FDFT1: variants seen among roughly 807,000 people sequenced by gnomAD.
FDFT1 encodes the protein farnesyl-diphosphate farnesyltransferase 1.
In FDFT1, 68 loss-of-function variants were observed where a neutral mutation model predicts 46.8. The ratio of observed to expected loss-of-function variants is 1.45; its 90% CI spans 1.19 to 1.78. The LOEUF is 1.78. Ranked by LOEUF, FDFT1 falls within the 40% of genes most tolerant of loss-of-function variation. FDFT1 has a pLI of 0.00. For missense variants in FDFT1, 928 were observed against 524.4 expected (o/e 1.77, Z -7.52); for synonymous variants, 351 against 185.1 (o/e 1.90, Z -7.28).
rs1453348975 is a variant in FDFT1 at position 11,808,363 on chromosome 8, G to GC, written c.100-429dup. ...AGGAGGCGCCGGTGCGGAGCGGGAGGCCGGGGGCGGGGCTGCGGGGCTGCG... is the reference window on the plus strand; with the variant it reads ...AGGAGGCGCCGGTGCGGAGCGGGAGGCCCGGGGGCGGGGCTGCGGGGCTGCG... On this transcript the variant is annotated intron_variant, in intron 1 of 7. Transcript: ENST00000220584. 4.9e-6 allele frequency: 6 copies of GC among 1,234,678 alleles called. No homozygotes were observed. The African/African-American group carries it at 9.4e-5, about 19-fold the overall frequency. 76.5% of individuals were successfully genotyped at this position (1,234,678 alleles called of 1,614,324 possible). A position where few individuals can be genotyped will look rare whatever the true frequency, so the allele number is the denominator to read the frequency against.
intron 1 of FDFT1, 146 bp from the exon 2 acceptor site, chr8:11,808,648 C>T: frequency 4.3e-6 from 6 of 1,408,720 alleles, no homozygotes; most frequent in Non-Finnish European, 5.5e-6. Context: ...CCTCCTGCCG[C>T]CTGGCCCTGC....
chr8:11,835,806 C>T (rs1811455920), intron 7 of FDFT1, among the ~76,000 whole-genome samples: 2 of 151,874 alleles, frequency 1.3e-5, no homozygotes, highest in Admixed American at 1.3e-4. Context: ...ATTGCTTGTA[C>T]AGTTGCTCTG....
At chr8:11,819,598 C>A (rs919337091) in intron 3 of FDFT1, among the ~76,000 whole-genome samples, 2 of 151,958 alleles carry the variant, frequency 1.3e-5, no homozygotes, top group East Asian at 3.9e-4. Context: ...TTAATTTGAT[C>A]TTCGATCACT....
intron 5 of FDFT1, among the ~76,000 whole-genome samples, chr8:11,828,568 G>A (rs1810332405): frequency 6.6e-6 from 1 of 152,240 alleles, no homozygotes; most frequent in Admixed American, 6.5e-5. Flanking sequence ...TCAGCCACGG[G>A]CATGTGATGC....
chr8:11,834,828 T>C (rs1263601667), intron 7 of FDFT1, among the ~76,000 whole-genome samples: 2 of 152,202 alleles, frequency 1.3e-5, no homozygotes, highest in Admixed American at 6.5e-5. Context: ...GGAGCCTGTG[T>C]CATTTAATCA....
chr8:11,808,704 C>T (rs1429813515), intron 1 of FDFT1, 90 bp from the exon 2 acceptor site: 2 of 1,406,184 alleles, frequency 1.4e-6, no homozygotes. Flanking sequence ...GAGCCGCCTG[C>T]CCCAGTCCCA....
At chr8:11,802,604 C>T (rs780419261), upstream of FDFT1, 170 of 599,888 alleles carry the variant, frequency 2.8e-4, 1 homozygote, top group Non-Finnish European at 4.7e-4. Context: ...TGTGAGCGGC[C>T]CTGGCCAATC....
At chr8:11,834,716 A>G (rs1265724585) in intron 7 of FDFT1, among the ~76,000 whole-genome samples, 1 of 152,270 alleles carries the variant, frequency 6.6e-6, no homozygotes, top group East Asian at 1.9e-4. Context: ...AGTTGTAAGT[A>G]GAACTGCTGA....
chr8:11,803,214 C>T (rs1335760129), intron 1 of FDFT1: 26 of 1,399,060 alleles, frequency 1.9e-5, no homozygotes, highest in South Asian at 1.1e-4. Context: ...CCGTGAGCAT[C>T]GGCGCTTACC....
At chr8:11,833,643 C>T (rs999258595) in intron 7 of FDFT1, among the ~76,000 whole-genome samples, 1 of 152,190 alleles carries the variant, frequency 6.6e-6, no homozygotes, top group East Asian at 1.9e-4. Context: ...GTTGGCTGAG[C>T]CCTGTTTTTG....
At chr8:11,830,202 A>G (rs1458698851) in intron 5 of FDFT1, 42 bp from the exon 6 acceptor site, 32 of 1,467,862 alleles carry the variant, frequency 2.2e-5, no homozygotes, top group Middle Eastern at 1.8e-4. Flanking sequence ...ATTCTCCCCT[A>G]TGCACACGCT....
intron 1 of FDFT1, chr8:11,803,384 C>T (rs897658648): frequency 7.8e-7 from 1 of 1,289,630 alleles, no homozygotes; most frequent in African/African-American, 1.5e-5. Flanking sequence ...ACCACCTCTT[C>T]CGGAGCTCTC....
chr8:11,821,639 T>C, intron 3 of FDFT1, 111 bp from the exon 4 acceptor site: 3 of 1,278,976 alleles, frequency 2.3e-6, no homozygotes, highest in Middle Eastern at 2.2e-4. Context: ...ATTAGGCTTA[T>C]AGATGAACCA....
At chr8:11,810,160 G>A (rs962829846) in intron 3 of FDFT1, among the ~76,000 whole-genome samples, 3 of 152,122 alleles carry the variant, frequency 2.0e-5, no homozygotes, top group African/African-American at 7.2e-5. Flanking sequence ...ATTAACGTAG[G>A]TAATGCTCTT....
chr8:11,808,775 G>C lies in FDFT1; in HGVS notation c.100-19G>C. The C allele has an allele frequency of 6.2e-7, 1 of 1,610,724 alleles. No individual in the cohort carries two copies. The highest frequency in any genetic ancestry group is 1.1e-5 in the South Asian group (1 of 89,922). ...GCTCCTCGACGTCTCCCACCGCCGT[G>C]TGTGTTGTCTGCCCGCAGGACTCGC... is the stretch of plus-strand genomic sequence containing the variant. On this transcript the variant is annotated intron_variant, in intron 1 of 7. Coordinates refer to ENST00000220584, the MANE Select transcript of FDFT1 (RefSeq NM_004462.5).
At chr8:11,832,535 G>T (rs552912889) in intron 7 of FDFT1, among the ~76,000 whole-genome samples, 1 of 78,424 alleles carries the variant, frequency 1.3e-5, no homozygotes, top group Non-Finnish European at 2.7e-5. Flanking sequence ...CTGGGTGATA[G>T]AGTGAGACTT....
At chr8:11,816,953 C>G (rs1808546427) in intron 3 of FDFT1, among the ~76,000 whole-genome samples, 1 of 152,160 alleles carries the variant, frequency 6.6e-6, no homozygotes. Flanking sequence ...TGCAGGTTTT[C>G]AAAGGGAATG....
intron 3 of FDFT1, among the ~76,000 whole-genome samples, chr8:11,816,196 C>T (rs1038752325): frequency 6.6e-6 from 1 of 152,206 alleles, no homozygotes; most frequent in Admixed American, 6.5e-5. Flanking sequence ...AGTGTTATTT[C>T]TGAGGCCTCT....
chr8:11,835,314 C>A (rs143630585), intron 7 of FDFT1, among the ~76,000 whole-genome samples: 5 of 152,220 alleles, frequency 3.3e-5, no homozygotes, highest in African/African-American at 1.2e-4. Context: ...GGTCTAGCAA[C>A]GAAGCATCTA....
Sources: gnomAD v4.1 joint callset for allele counts (sites outside exome capture counted in the v4.1 genomes callset) on GRCh38, gnomAD v4.1.1 for gene constraint, MANE v1.5 for transcripts, NCBI Gene and HGNC (gene_info 2026-07-23, HGNC 2026-07-21) for gene names.